Variants in KCNQ3 observed in about 807,000 individuals in gnomAD.
The protein encoded by KCNQ3 is potassium voltage-gated channel subfamily KQT member 3.
Under a neutral mutation model 92.5 loss-of-function variants are expected in KCNQ3, and 30 were observed. The ratio of observed to expected loss-of-function variants is 0.32; its 90% CI spans 0.24 to 0.44. The LOEUF (loss-of-function observed/expected upper bound fraction) is 0.44, where lower values mean the gene tolerates loss of function less well. Among genes scored for constraint, KCNQ3 ranks in the 20% least tolerant of loss-of-function variants. KCNQ3 has a pLI of 1.00. For synonymous variants in KCNQ3, 450 were observed against 468.8 expected, an observed-to-expected ratio of 0.96 and a Z score of 0.52; for missense variants, 913 against 1,140.3, an observed-to-expected ratio of 0.80 and a Z score of 2.87.
chr8:132,278,037 G>A (rs773335149), intron 1 of KCNQ3: 283 of 985,168 alleles, frequency 2.9e-4, no homozygotes, highest in Admixed American at 8.0e-4. Context: ...ACAGAGCTCA[G>A]ATTCAAACAA....
At chr8:132,267,875 C>T (rs1461821511) in intron 1 of KCNQ3, among the ~76,000 whole-genome samples, 1 of 152,172 alleles carries the variant, frequency 6.6e-6, no homozygotes, top group African/African-American at 2.4e-5. Flanking sequence ...CTCCCCCATT[C>T]TCAATATCCT....
At chr8:132,333,082 G>A (rs1016098387) in intron 1 of KCNQ3, among the ~76,000 whole-genome samples, 1 of 152,098 alleles carries the variant, frequency 6.6e-6, no homozygotes, top group Admixed American at 6.6e-5. Context: ...AGGAAGAGAG[G>A]GGCATCCTCC....
rs149104266 is a variant in KCNQ3, at chr8:132,165,414, GT to G, written c.1236-1921del. On this transcript the variant is annotated intron_variant, in intron 8 of 14. Transcript: ENST00000388996. ...ATGAATGGACTAAATGAATAAAAGG[GT>G]TTTAACAACATTCCAGAGTGTTCTA... Among the ~76,000 whole-genome samples the G allele has an allele frequency of 4.0e-3, 603 of 152,324 alleles. 4 individuals carry two copies. Among genetic ancestry groups the G allele is most frequent in the African/African-American group, 0.014 (584 of 41,582 alleles).
intron 1 of KCNQ3, among the ~76,000 whole-genome samples, chr8:132,237,414 A>T (rs557861623): frequency 6.6e-6 from 1 of 152,290 alleles, no homozygotes; most frequent in East Asian, 1.9e-4. Flanking sequence ...TAGTATTTTC[A>T]TCTTTATTTG....
intron 1 of KCNQ3, among the ~76,000 whole-genome samples, chr8:132,208,313 C>T (rs893874671): frequency 1.3e-5 from 2 of 151,958 alleles, no homozygotes; most frequent in African/African-American, 4.8e-5. Context: ...CAGTATCCTA[C>T]TAAGCTCTTG....
intron 1 of KCNQ3, among the ~76,000 whole-genome samples, chr8:132,221,183 A>G (rs1814218621): frequency 6.6e-6 from 1 of 152,194 alleles, no homozygotes. Flanking sequence ...TCCATCGTGT[A>G]TATGTGCCAC....
chr8:132,142,298 C>G (rs533421012), intron 9 of KCNQ3, among the ~76,000 whole-genome samples: 1 of 152,238 alleles, frequency 6.6e-6, no homozygotes, highest in South Asian at 2.1e-4. Flanking sequence ...CCAGTTGCAC[C>G]TTGACTTAAG....
intron 12 of KCNQ3, among the ~76,000 whole-genome samples, chr8:132,135,106 G>T (rs1825039234): frequency 6.6e-6 from 1 of 152,148 alleles, no homozygotes. Context: ...AGAACCTGTT[G>T]TTTCCTTCTT....
At chr8:132,386,035 G>A (rs796619860) in intron 1 of KCNQ3, among the ~76,000 whole-genome samples, 15 of 148,254 alleles carry the variant, frequency 1.0e-4, no homozygotes, top group African/African-American at 3.7e-4. Flanking sequence ...GCCCTGGGAT[G>A]GGGGGATGGT....
chr8:132,214,260 T>C (rs942029304), intron 1 of KCNQ3, among the ~76,000 whole-genome samples: 2 of 152,188 alleles, frequency 1.3e-5, no homozygotes, highest in African/African-American at 4.8e-5. Context: ...ATTTATGCAA[T>C]AGATGTACTC....
intron 1 of KCNQ3, among the ~76,000 whole-genome samples, chr8:132,203,437 C>T (rs1163171499): frequency 3.9e-5 from 6 of 152,160 alleles, no homozygotes; most frequent in African/African-American, 1.4e-4. Context: ...GGTTCCTCAT[C>T]TCTAAAGTGA....
intron 1 of KCNQ3, among the ~76,000 whole-genome samples, chr8:132,346,127 T>C (rs1818682718): frequency 6.6e-6 from 1 of 152,084 alleles, no homozygotes; most frequent in Non-Finnish European, 1.5e-5. Context: ...ATGGTGACAA[T>C]CATGGTGATT....
Position 132,196,148 on chromosome 8 carries a change from C to A in KCNQ3, c.387-9967G>T, listed in dbSNP as rs1563799848. On this transcript the variant is annotated intron_variant, in intron 1 of 14. Transcript: ENST00000388996. Reference sequence around the variant, plus strand: ...AGGCCTTTCAAAATTCCGTTCTTCTCCATCATATGCTTTCTCTCCCTCATC... The same window carrying A: ...AGGCCTTTCAAAATTCCGTTCTTCTACATCATATGCTTTCTCTCCCTCATC... 4.6e-5 allele frequency among the ~76,000 whole-genome samples: 7 copies of A among 152,314 alleles called. No individual in the cohort carries two copies. The South Asian group carries it at 1.4e-3, about 32-fold the overall frequency.
rs747450105 is a variant in KCNQ3, at chr8:132,480,136, C to T, written c.386+11G>A. ...CGCCGCCGAGGGCGCCCCGAGCGGCCGGGTACTCACACCAACGCGTGGTAA... is the reference window on the plus strand; with the variant it reads ...CGCCGCCGAGGGCGCCCCGAGCGGCTGGGTACTCACACCAACGCGTGGTAA... On this transcript the variant is annotated intron_variant, in intron 1 of 14. Transcript: ENST00000388996. The T allele has an allele frequency of 2.5e-6, 4 of 1,609,848 alleles. No individual in the cohort carries two copies. Among genetic ancestry groups the T allele is most frequent in the Non-Finnish European group, 2.5e-6 (3 of 1,177,812 alleles).
In KCNQ3 at chr8:132,430,708, A is replaced by G. The variant is rs534605702; in HGVS notation, c.386+49439T>C. 5.9e-5 allele frequency among the ~76,000 whole-genome samples: 9 copies of G among 152,338 alleles called. No homozygotes were observed. The South Asian group carries it at 1.7e-3, about 28-fold the overall frequency. ...CAGACAGACAATGAGTCTATTTCGG[A>G]AACAGAAAGTGTTTGCTCAGCGCAG... On this transcript the variant is annotated intron_variant, in intron 1 of 14. Coordinates refer to ENST00000388996, the MANE Select transcript of KCNQ3 (RefSeq NM_004519.4).
intron 2 of KCNQ3, among the ~76,000 whole-genome samples, chr8:132,184,719 A>T (rs754455340): frequency 1.3e-5 from 2 of 152,186 alleles, no homozygotes; most frequent in African/African-American, 4.8e-5. Flanking sequence ...TTGGGTTGAA[A>T]AGAGAGATAT....
At chr8:132,432,446 T>C (rs189169500) in intron 1 of KCNQ3, among the ~76,000 whole-genome samples, 2 of 152,048 alleles carry the variant, frequency 1.3e-5, no homozygotes, top group African/African-American at 4.8e-5. Context: ...CAATCAAAAA[T>C]GTATTAAATA....
intron 1 of KCNQ3, among the ~76,000 whole-genome samples, chr8:132,466,950 C>T (rs866735414): frequency 1.6e-4 from 24 of 152,240 alleles, no homozygotes; most frequent in Middle Eastern, 3.4e-3. Flanking sequence ...AACCACGTGC[C>T]CTGAGCCCCC....
intron 1 of KCNQ3, among the ~76,000 whole-genome samples, chr8:132,264,757 A>C (rs1287829522): frequency 6.6e-6 from 1 of 152,190 alleles, no homozygotes; most frequent in Non-Finnish European, 1.5e-5. Context: ...TATCTCACTT[A>C]TCTGTGCTCA....
Sources: allele counts gnomAD v4.1 joint callset (sites outside exome capture counted in the v4.1 genomes callset), GRCh38; gene constraint gnomAD v4.1.1; transcripts MANE v1.5; gene names NCBI Gene and HGNC (gene_info 2026-07-23, HGNC 2026-07-21).